The following CYP3A4 variants were observed in gnomAD, a reference collection of about 807,000 sequenced individuals.
The protein encoded by CYP3A4 is cytochrome P450 3A4.
A neutral mutation model predicts 54.9 loss-of-function variants in CYP3A4; 41 were observed. The ratio of observed to expected loss-of-function variants is 0.75; its 90% CI spans 0.58 to 0.97. The LOEUF (loss-of-function observed/expected upper bound fraction) is 0.97, where lower values mean the gene tolerates loss of function less well. CYP3A4 is among the 50% of genes least tolerant of loss of function. The pLI, the probability that CYP3A4 is intolerant of heterozygous loss-of-function variation, is 0.00. For synonymous variants in CYP3A4, 179 were observed against 205.2 expected (o/e 0.87, Z 1.09); for missense variants, 510 against 597.3 (o/e 0.85, Z 1.52).
At chr7:99,774,355 T>G (rs966777214) in intron 3 of CYP3A4, among the ~76,000 whole-genome samples, 1 of 152,002 alleles carries the variant, frequency 6.6e-6, no homozygotes, top group Non-Finnish European at 1.5e-5. Context: ...GGCCAGTATC[T>G]CCTGATACCA....
intron 11 of CYP3A4, 35 bp downstream of exon 11, chr7:99,762,006 G>C: frequency 6.3e-7 from 1 of 1,596,066 alleles, no homozygotes; most frequent in Non-Finnish European, 8.6e-7. Context: ...AACCAGGCTG[G>C]TTCAGGGAGG....
rs1205586327 is a variant in CYP3A4, at chr7:99,762,098, T to G, written c.1196A>C (p.Tyr399Ser). The change falls in exon 11 of 13, where the codon TAT (tyrosine) becomes TCT (serine). Residue 399 changes from tyrosine (Y) to serine (S), a missense_variant. This residue lies in a region of CYP3A4 where 238 missense variants were observed against 322.5 expected (regional missense o/e 0.74). Coordinates refer to ENST00000651514, the MANE Select transcript of CYP3A4 (RefSeq NM_017460.6). ...PKGVVVMIPSYALHRDPKYWT... is the reference protein window; with the variant it reads ...PKGVVVMIPSSALHRDPKYWT... ...GTACTTTGGGTCACGGTGAAGAGCA[T>G]AGCTTGGAATCATCACCACCACCCC... 1 of 1,613,994 alleles carries G rather than the reference T, an allele frequency of 6.2e-7. No individual in the cohort carries two copies. Among genetic ancestry groups the G allele is most frequent in the East Asian group, 2.2e-5 (1 of 44,860 alleles).
At chr7:99,772,499 C>T in intron 4 of CYP3A4, 91 bp downstream of exon 4, 2 of 1,543,242 alleles carry the variant, frequency 1.3e-6, no homozygotes, top group Non-Finnish European at 1.8e-6. Context: ...CCTTCCTGGA[C>T]ATTTTTTAGG....
chr7:99,772,448 A>G, intron 4 of CYP3A4, 142 bp downstream of exon 4: 1 of 944,872 alleles, frequency 1.1e-6, no homozygotes, highest in Middle Eastern at 3.4e-4. Context: ...AGATTGCAAG[A>G]TGTTACCATT....
rs534881653 is a variant in CYP3A4 at position 99,763,743 on chromosome 7, G to T, written c.1026+112C>A. On this transcript the variant is annotated intron_variant, in intron 10 of 12. Coordinates refer to ENST00000651514, the MANE Select transcript of CYP3A4 (RefSeq NM_017460.6). ...TTCAGAGCCTTCCTACATAGAGTCA[G>T]TGAAAGAATCAGTGATTATGCTTTT... 1,586 of 1,369,984 alleles carry T rather than the reference G, an allele frequency of 1.2e-3. 1 individual carries two copies. Among genetic ancestry groups the T allele is most frequent in the Non-Finnish European group, 1.5e-3 (1,534 of 1,009,982 alleles). 84.9% of individuals were successfully genotyped at this position (1,369,984 alleles called of 1,614,324 possible). A position where few individuals can be genotyped will look rare whatever the true frequency, so the allele number is the denominator to read the frequency against.
chr7:99,770,403 T>G (rs1293759410), intron 4 of CYP3A4, among the ~76,000 whole-genome samples, 168 bp from the exon 5 acceptor site: 1 of 141,830 alleles, frequency 7.1e-6, no homozygotes. Context: ...AGATGCCCAG[T>G]GTCCTGGGAT....
At chr7:99,778,003 C>G (rs1362976632) in intron 3 of CYP3A4, 25 bp downstream of exon 3, 1 of 1,596,234 alleles carries the variant, frequency 6.3e-7, no homozygotes, top group South Asian at 1.1e-5. Context: ...CAAGTCTATC[C>G]AATGGAAGTT....
intron 12 of CYP3A4, among the ~76,000 whole-genome samples, chr7:99,759,865 C>T (rs1815272421): frequency 6.6e-6 from 1 of 151,220 alleles, no homozygotes; most frequent in South Asian, 2.1e-4. Context: ...GAGACAGAGT[C>T]TCGCTGTCAC....
chr7:99,764,166 A>T, intron 9 of CYP3A4, 151 bp from the exon 10 acceptor site: 3 of 1,179,164 alleles, frequency 2.5e-6, no homozygotes, highest in Non-Finnish European at 3.5e-6. Flanking sequence ...TTTCATTCTG[A>T]TGTGTATCTT....
chr7:99,769,904 G>A (rs1256032419), intron 5 of CYP3A4, 48 bp from the exon 6 acceptor site: 1 of 1,612,978 alleles, frequency 6.2e-7, no homozygotes, highest in Non-Finnish European at 8.5e-7. Context: ...GCAGACTCTA[G>A]TCCCAGAAGG....
chr7:99,783,606 C>CTTTTTTTTTTTTTTTTTTTTTTTTTT lies in CYP3A4; in HGVS notation c.71+404_71+405insAAAAAAAAAAAAAAAAAAAAAAAAAA, dbSNP rs11432957. Among the ~76,000 whole-genome samples the CTTTTTTTTTTTTTTTTTTTTTTTTTT allele has an allele frequency of 2.9e-5, 3 of 103,826 alleles. 1 individual carries two copies. Among genetic ancestry groups the CTTTTTTTTTTTTTTTTTTTTTTTTTT allele is most frequent in the Non-Finnish European group, 3.7e-5 (2 of 54,782 alleles). 68.1% of individuals were successfully genotyped at this position (103,826 alleles called of 152,430 possible). A position where few individuals can be genotyped will look rare whatever the true frequency, so the allele number is the denominator to read the frequency against. On this transcript the variant is annotated intron_variant, in intron 1 of 12. Coordinates refer to ENST00000651514, the MANE Select transcript of CYP3A4 (RefSeq NM_017460.6). ...ACTTAAGCTACTGCTCCTTGAACATCTTTTTTTTTTTTTTTTTTTTTTGAG... is the reference window on the plus strand; with the variant it reads ...ACTTAAGCTACTGCTCCTTGAACATCTTTTTTTTTTTTTTTTTTTTTTTTTTTTTTTTTTTTTTTTTTTTTTTTGAG...
chr7:99,773,699 G>A (rs1169329138), intron 3 of CYP3A4, among the ~76,000 whole-genome samples: 1 of 152,200 alleles, frequency 6.6e-6, no homozygotes, highest in Non-Finnish European at 1.5e-5. Context: ...TTAAAGCAGT[G>A]TGTAGAGGGA....
At chr7:99,766,980 T>C (rs1042779360) in intron 8 of CYP3A4, 151 bp downstream of exon 8, 2 of 661,784 alleles carry the variant, frequency 3.0e-6, no homozygotes, top group South Asian at 2.3e-5. Flanking sequence ...TCTGCATTTC[T>C]ACCAAATGAA....
chr7:99,778,107 G>A (rs746479314), intron 2 of CYP3A4, 27 bp from the exon 3 acceptor site: 17 of 1,563,390 alleles, frequency 1.1e-5, no homozygotes, highest in Non-Finnish European at 1.2e-5. Context: ...AATAATATTT[G>A]ATTATTATTT....
rs1299557010 is a variant in CYP3A4 at position 99,768,451 on chromosome 7, C to G, written c.573G>C (p.Val191=). ...GTGGATTGTTGAGAGAGTCGATGTT[C>G]ACTCCAAATGATGTGCTAGTGATCA... is the stretch of plus-strand genomic sequence containing the variant. ...MDVITSTSFG[V]NIDSLNNPQD... is the part of the protein sequence containing the mutation. Residue 191 remains valine (V), a synonymous_variant, in exon 7 of 13, where the codon GTG becomes GTC. Transcript: ENST00000651514. 1 of 1,613,972 alleles carries G rather than the reference C, an allele frequency of 6.2e-7. No individual in the cohort carries two copies. The highest frequency in any genetic ancestry group is 2.2e-5 in the East Asian group (1 of 44,870).
rs1422484417 is a variant in CYP3A4 at position 99,764,015 on chromosome 7, G to A, written c.866C>T (p.Ala289Val). 1.2e-6 allele frequency: 2 copies of A among 1,613,798 alleles called. No individual in the cohort carries two copies. The highest frequency in any genetic ancestry group is 1.7e-6 in the Non-Finnish European group (2 of 1,179,852). ...QNSKETESHK[A>V]LSDLELVAQS... ...GGCCACGAGCTCCAGATCGGACAGAGCTGAAAGGAGAGGAAAGACATTTTA... is the reference window on the plus strand; with the variant it reads ...GGCCACGAGCTCCAGATCGGACAGAACTGAAAGGAGAGGAAAGACATTTTA... The change falls in exon 10 of 13, where the codon GCT (alanine) becomes GTT (valine). Residue 289 changes from alanine (A) to valine (V), a missense_variant and splice_region_variant. By Grantham distance (64) the Ala-to-Val change is moderately conservative (BLOSUM62 0). Coordinates refer to ENST00000651514, the MANE Select transcript of CYP3A4 (RefSeq NM_017460.6).
At position 99,767,156 on chromosome 7, in the gene CYP3A4, T is replaced by A. The variant is rs1266009547; in HGVS notation, c.773A>T (p.Glu258Val). 2.5e-6 allele frequency: 4 copies of A among 1,611,462 alleles called. No homozygotes were observed. Among genetic ancestry groups the A allele is most frequent in the Admixed American group, 1.7e-5 (1 of 59,630 alleles). Reference protein sequence around the residue: ...FLRKSVKRMKESRLEDTQKHR... With the variant: ...FLRKSVKRMKVSRLEDTQKHR... ...CTTTTGTGTATCTTCGAGGCGACTT[T>A]CTTTCATCCTTTTTACAGATTTTCT... Residue 258 changes from glutamate (E) to valine (V), a missense_variant, in exon 8 of 13, where the codon GAA (glutamate) becomes GTA (valine). Glu to Val is a moderately radical substitution (Grantham distance 121, BLOSUM62 -2). Transcript: ENST00000651514.
intron 8 of CYP3A4, 94 bp from the exon 9 acceptor site, chr7:99,766,537 A>G (rs910840696): frequency 4.0e-6 from 6 of 1,502,090 alleles, no homozygotes; most frequent in Non-Finnish European, 5.5e-6. Context: ...TTCTGAGAAT[A>G]TGGCTCCTTG....
Position 99,772,654 on chromosome 7 carries a change from G to A in CYP3A4, c.254C>T (p.Thr85Ile). The change falls in exon 4 of 13, where the codon ACA (threonine) becomes ATA (isoleucine). Residue 85 changes from threonine to isoleucine, a missense_variant. Thr to Ile is a moderately conservative substitution (Grantham distance 89). Transcript: ENST00000651514. Reference protein sequence around the residue: ...YDGQQPVLAITDPDMIKTVLV... With the variant: ...YDGQQPVLAIIDPDMIKTVLV... The stretch of plus-strand genomic sequence containing the variant: ...CACTGTTTTGATCATGTCAGGATCT[G>A]TGATAGCCAGCACAGGCTGTTGACC... 1 of 1,613,450 alleles carries A rather than the reference G, an allele frequency of 6.2e-7. No homozygotes were observed. The highest frequency in any genetic ancestry group is 8.5e-7 in the Non-Finnish European group (1 of 1,179,496).
Sources: allele counts gnomAD v4.1 joint callset (sites outside exome capture counted in the v4.1 genomes callset), GRCh38; gene constraint gnomAD v4.1.1; regional missense constraint gnomAD v4.1.1; transcripts MANE v1.5; gene names NCBI Gene and HGNC (gene_info 2026-07-23, HGNC 2026-07-21).